PAK3: variants seen among roughly 807,000 people sequenced by gnomAD.
PAK3 encodes p21 (RAC1) activated kinase 3, also known as serine/threonine-protein kinase PAK 3.
PAK3 carries 4 observed loss-of-function variants against 41.0 expected under a neutral mutation model. The observed-to-expected ratio is 0.10, with a 90% confidence interval of 0.05 to 0.22. The LOEUF is 0.22. Ranked by LOEUF, PAK3 falls within the 10% of genes least tolerant of loss-of-function variation. The pLI, the probability that PAK3 is intolerant of heterozygous loss-of-function variation, is 1.00. For missense variants in PAK3, 205 were observed against 409.9 expected (o/e 0.50, Z 4.32); for synonymous variants, 146 against 139.6 (o/e 1.05, Z -0.32).
At chrX:111,170,358 T>G (rs778360347) in intron 10 of PAK3, among the ~76,000 whole-genome samples, 9 of 109,602 alleles carry the variant, frequency 8.2e-5, no homozygotes, top group Non-Finnish European at 1.5e-4. Context: ...AAGTGAACTT[T>G]CATTAAAAAA....
At chrX:111,160,519 G>T (rs772226305) in intron 8 of PAK3, among the ~76,000 whole-genome samples, 141 of 108,974 alleles carry the variant, frequency 1.3e-3, no homozygotes, top group Middle Eastern at 4.7e-3. Context: ...ACAACGTGCA[G>T]GTTTGTTACA....
chrX:111,070,213 C>T (rs1426666814), intron 1 of PAK3, among the ~76,000 whole-genome samples: 1 of 109,772 alleles, frequency 9.1e-6, no homozygotes, highest in Non-Finnish European at 1.9e-5. Context: ...TGTTATGAAG[C>T]CCCTATCTTT....
chrX:111,072,097 G>A (rs1451618779), intron 1 of PAK3, among the ~76,000 whole-genome samples: 1 of 111,922 alleles, frequency 8.9e-6, no homozygotes, highest in Non-Finnish European at 1.9e-5. Flanking sequence ...GAAATTTCAA[G>A]GGGTTAAGAT....
chrX:110,972,532 C>T (rs988327654), intron 1 of PAK3, among the ~76,000 whole-genome samples: 11 of 111,244 alleles, frequency 9.9e-5, no homozygotes, highest in Non-Finnish European at 1.7e-4. Flanking sequence ...ACAAAAAGGT[C>T]ATCTACACCA....
chrX:111,216,643 G>C, intron 17 of PAK3, 85 bp downstream of exon 17: 1 of 797,658 alleles, frequency 1.3e-6, no homozygotes, highest in Admixed American at 2.2e-5. Flanking sequence ...TCTGTCAAGA[G>C]ATGTCTAGAG....
At chrX:111,145,770 T>A (rs146882681) in intron 6 of PAK3, among the ~76,000 whole-genome samples, 69 of 112,135 alleles carry the variant, frequency 6.2e-4, no homozygotes, top group African/African-American at 2.1e-3. Flanking sequence ...AGCTGTTACC[T>A]TATATCTTGT....
intron 1 of PAK3, among the ~76,000 whole-genome samples, chrX:110,988,706 A>C (rs2091590155): frequency 8.9e-6 from 1 of 111,882 alleles, no homozygotes; most frequent in African/African-American, 3.2e-5. Context: ...CATCTCTCCC[A>C]TGCTATTCTT....
chrX:110,998,563 G>A (rs1369200499), intron 1 of PAK3, among the ~76,000 whole-genome samples: 5 of 112,172 alleles, frequency 4.5e-5, no homozygotes, highest in Admixed American at 3.8e-4. Context: ...GTAAAATGAG[G>A]AGGACAGCAA....
rs1015081652 is a variant in PAK3 at position 111,225,548 on chromosome X, A to C, written c.*5101A>C. On this transcript the variant is annotated 3_prime_UTR_variant, in exon 18 of 18. Coordinates refer to ENST00000372007, the MANE Select transcript of PAK3 (RefSeq NM_002578.5). Reference sequence around the variant, plus strand: ...ATGTTCAACAGATTTAGTACCCAAGAGGAAATCAACAGCGATAGTAGAGAA... The same window carrying C: ...ATGTTCAACAGATTTAGTACCCAAGCGGAAATCAACAGCGATAGTAGAGAA... The C allele has an allele frequency of 1.8e-5, 2 of 112,149 alleles. No individual in the cohort carries two copies. Among genetic ancestry groups the C allele is most frequent in the African/African-American group, 6.5e-5 (2 of 30,863 alleles). The allele number at this position is 112,149 out of a possible 1,213,427, so 9.2% of individuals were successfully genotyped here.
intron 1 of PAK3, among the ~76,000 whole-genome samples, chrX:110,947,563 C>A (rs762571511): frequency 1.3e-4 from 14 of 111,857 alleles, no homozygotes; most frequent in African/African-American, 4.5e-4. Context: ...GTTTTGTGGT[C>A]AAGTTAAGTT....
chrX:111,205,254 G>A (rs2094732631), intron 16 of PAK3, among the ~76,000 whole-genome samples: 1 of 110,521 alleles, frequency 9.0e-6, no homozygotes, highest in African/African-American at 3.3e-5. Flanking sequence ...ACCAGGATAG[G>A]GCTCTTGGTT....
chrX:111,059,936 T>G (rs1356080681), intron 1 of PAK3, among the ~76,000 whole-genome samples: 1 of 111,580 alleles, frequency 9.0e-6, no homozygotes, highest in Non-Finnish European at 1.9e-5. Flanking sequence ...TTTTCTGGCC[T>G]AATTGCTATG....
chrX:111,113,284 T>C (rs970383350), intron 4 of PAK3, among the ~76,000 whole-genome samples: 1 of 111,412 alleles, frequency 9.0e-6, no homozygotes, highest in African/African-American at 3.3e-5. Context: ...TTATTGTATA[T>C]ATGCATGTCT....
At chrX:111,081,482 G>A (rs1025431494) in intron 1 of PAK3, among the ~76,000 whole-genome samples, 2 of 110,779 alleles carry the variant, frequency 1.8e-5, no homozygotes, top group African/African-American at 6.6e-5. Flanking sequence ...TCCAGCCTGG[G>A]TGACAGATTG....
intron 4 of PAK3, among the ~76,000 whole-genome samples, chrX:111,108,917 A>G (rs1294827564): frequency 1.8e-5 from 2 of 112,314 alleles, no homozygotes; most frequent in Non-Finnish European, 3.8e-5. Context: ...TCATGCATTT[A>G]TATGATATTT....
At chrX:111,200,022 G>T (rs911451806) in intron 16 of PAK3, among the ~76,000 whole-genome samples, 4 of 110,986 alleles carry the variant, frequency 3.6e-5, no homozygotes, top group Non-Finnish European at 7.6e-5. Context: ...AATATGCACA[G>T]ATTCAAATTC....
intron 1 of PAK3, among the ~76,000 whole-genome samples, chrX:111,029,637 C>T (rs1318545516): frequency 8.9e-6 from 1 of 111,767 alleles, no homozygotes. Context: ...AATCGTCTGT[C>T]TGAAATAGTG....
chrX:111,195,299 T>C (rs2094601882), intron 14 of PAK3, among the ~76,000 whole-genome samples: 1 of 111,971 alleles, frequency 8.9e-6, no homozygotes, highest in Non-Finnish European at 1.9e-5. Context: ...TTAAACTTAC[T>C]ACCCTGAGCC....
chrX:111,162,674 T>C (rs145502041), intron 8 of PAK3, among the ~76,000 whole-genome samples: 74 of 111,654 alleles, frequency 6.6e-4, no homozygotes, highest in African/African-American at 2.2e-3. Flanking sequence ...AGAAGTTTTT[T>C]AAAAAATTAC....
Sources: allele counts gnomAD v4.1 joint callset (sites outside exome capture counted in the v4.1 genomes callset), GRCh38; gene constraint gnomAD v4.1.1; transcripts MANE v1.5; gene names NCBI Gene and HGNC (gene_info 2026-07-23, HGNC 2026-07-21).